Variants in RAB11FIP2 observed in about 807,000 individuals in gnomAD.
The protein encoded by RAB11FIP2 is rab11 family-interacting protein 2.
A neutral mutation model predicts 40.9 loss-of-function variants in RAB11FIP2; 16 were observed. The observed-to-expected ratio is 0.39, with a 90% CI of 0.26 to 0.59. The LOEUF (loss-of-function observed/expected upper bound fraction) is 0.59, where lower values mean the gene tolerates loss of function less well. Among genes scored for constraint, RAB11FIP2 ranks in the 20% least tolerant of loss-of-function variants. The pLI is 0.53. For synonymous variants in RAB11FIP2, 228 were observed against 213.7 expected, an observed-to-expected ratio of 1.07 and a Z score of -0.58; for missense variants, 532 against 606.2, an observed-to-expected ratio of 0.88 and a Z score of 1.28.
chr10:118,039,480 A>G, intron 2 of RAB11FIP2, 40 bp from the exon 3 acceptor site: 1 of 1,496,214 alleles, frequency 6.7e-7, no homozygotes, highest in Non-Finnish European at 9.2e-7. Context: ...TCAGTGACAC[A>G]TTACATCACA....
chr10:118,012,858 C>CTT (rs1846174232), intron 4 of RAB11FIP2, among the ~76,000 whole-genome samples: 1 of 151,940 alleles, frequency 6.6e-6, no homozygotes, highest in South Asian at 2.1e-4. Context: ...AATTTTTCTT[C>CTT]TCTCTTCCCC....
chr10:118,029,666 C>T (rs1388359501), intron 3 of RAB11FIP2, among the ~76,000 whole-genome samples: 1 of 151,748 alleles, frequency 6.6e-6, no homozygotes, highest in Non-Finnish European at 1.5e-5. Context: ...AGAAAAAAAT[C>T]ATCCTGATGG....
At chr10:118,040,657 A>C in intron 1 of RAB11FIP2, 92 bp from the exon 2 acceptor site, 1 of 915,818 alleles carries the variant, frequency 1.1e-6, no homozygotes, top group Non-Finnish European at 1.6e-6. Flanking sequence ...AGGTAAAGTA[A>C]CTATACATCA....
At position 118,009,135 on chromosome 10, in the gene RAB11FIP2, T is replaced by C. The variant is rs757062448; in HGVS notation, c.1402A>G (p.Arg468Gly). Reference protein sequence around the residue: ...QELVKHKELLRRKDTHIRELE... With the variant: ...QELVKHKELLGRKDTHIRELE... ...TCCCGGATGTGGGTGTCTTTCCTCC[T>C]AAGGAGTTCTTTGTGTTTCACCAGC... The change falls in exon 5 of 5, where the codon AGG becomes GGG. Residue 468 changes from arginine to glycine, a missense_variant. Arg to Gly is a moderately radical substitution (Grantham distance 125). Transcript: ENST00000355624. 1 of 1,613,622 alleles carries C rather than the reference T, an allele frequency of 6.2e-7. No homozygotes were observed. The highest frequency in any genetic ancestry group is 8.5e-7 in the Non-Finnish European group (1 of 1,179,598).
intron 1 of RAB11FIP2, 108 bp downstream of exon 1, chr10:118,045,703 T>C: frequency 1.1e-6 from 1 of 890,598 alleles, no homozygotes; most frequent in East Asian, 2.7e-5. Context: ...CTGGATCATA[T>C]TTCAATCCAA....
chr10:118,027,181 C>A (rs1189946262), intron 3 of RAB11FIP2, among the ~76,000 whole-genome samples: 2 of 152,168 alleles, frequency 1.3e-5, no homozygotes, highest in Non-Finnish European at 1.5e-5. Context: ...ATCTGTCCTA[C>A]ACCAAGGTTA....
intron 4 of RAB11FIP2, among the ~76,000 whole-genome samples, chr10:118,011,203 A>C (rs140110661): frequency 5.2e-4 from 79 of 152,248 alleles, no homozygotes; most frequent in African/African-American, 1.8e-3. Flanking sequence ...AATATGTCTA[A>C]AACAACTTAG....
intron 3 of RAB11FIP2, among the ~76,000 whole-genome samples, chr10:118,018,837 A>G (rs574525415): frequency 3.9e-5 from 6 of 152,306 alleles, no homozygotes; most frequent in African/African-American, 1.2e-4. Context: ...TAACTCAATC[A>G]TTAGAGCAAA....
At chr10:118,031,078 T>C (rs1846407863) in intron 3 of RAB11FIP2, among the ~76,000 whole-genome samples, 1 of 152,144 alleles carries the variant, frequency 6.6e-6, no homozygotes, top group Non-Finnish European at 1.5e-5. Context: ...GTCTCATAAA[T>C]GAAGCCACAA....
intron 1 of RAB11FIP2, 77 bp from the exon 2 acceptor site, chr10:118,040,642 CT>C: frequency 9.3e-7 from 1 of 1,075,062 alleles, no homozygotes; most frequent in Non-Finnish European, 1.3e-6. Context: ...TACAAATAGC[CT>C]TTTAGGTAAA....
chr10:118,007,405 G>A lies in RAB11FIP2; in HGVS notation c.*1593C>T, dbSNP rs1289149649. 2 of 150,436 alleles carry A rather than the reference G, an allele frequency of 1.3e-5. No homozygotes were observed. The highest frequency in any genetic ancestry group is 4.9e-5 in the African/African-American group (2 of 40,956). 9.3% of individuals were successfully genotyped at this position (150,436 alleles called of 1,614,324 possible). ...ACAAGGGGTTTTAGTTTACAAATAC[G>A]AGCTTGGCCAAGTATTCTCTGATTC... On this transcript the variant is annotated 3_prime_UTR_variant, in exon 5 of 5. Coordinates refer to ENST00000355624, the MANE Select transcript of RAB11FIP2 (RefSeq NM_014904.3).
intron 3 of RAB11FIP2, among the ~76,000 whole-genome samples, chr10:118,020,839 C>A (rs931109058): frequency 1.3e-5 from 2 of 152,162 alleles, no homozygotes; most frequent in African/African-American, 4.8e-5. Context: ...ATAAACCATT[C>A]ACTTAATAAT....
chr10:118,023,947 G>A (rs897476154), intron 3 of RAB11FIP2, among the ~76,000 whole-genome samples: 9 of 151,896 alleles, frequency 5.9e-5, no homozygotes, highest in African/African-American at 1.5e-4. Context: ...AAACTTAGCC[G>A]GATGTGGTGG....
intron 3 of RAB11FIP2, among the ~76,000 whole-genome samples, chr10:118,022,909 G>T (rs889664400): frequency 7.9e-5 from 12 of 152,176 alleles, no homozygotes; most frequent in Non-Finnish European, 1.6e-4. Flanking sequence ...CCACCAACAA[G>T]ATACCAAGTC....
At chr10:118,042,714 A>G (rs903652946) in intron 1 of RAB11FIP2, among the ~76,000 whole-genome samples, 11 of 152,082 alleles carry the variant, frequency 7.2e-5, no homozygotes, top group African/African-American at 2.4e-4. Context: ...GTGTGTGTGT[A>G]TGTGTTTACA....
In RAB11FIP2 at chr10:118,009,199, T is replaced by C; in HGVS notation, c.1338A>G (p.Ala446=). ...IPDSNPFDAT[A]GYRSLTYEEV... is the part of the protein sequence containing the mutation. ...CTTCATAGGTCAGACTACGATACCC[T>C]GCAGTGGCATCAAAGGGGTTGCTGT... Residue 446 remains alanine, a synonymous_variant, in exon 5 of 5, where the codon GCA becomes GCG. Coordinates refer to ENST00000355624, the MANE Select transcript of RAB11FIP2 (RefSeq NM_014904.3). The C allele has an allele frequency of 6.2e-7, 1 of 1,613,296 alleles. No homozygotes were observed. Among genetic ancestry groups the C allele is most frequent in the South Asian group, 1.1e-5 (1 of 91,054 alleles).
rs1451901881 is a variant in RAB11FIP2 at position 118,008,534 on chromosome 10, T to C, written c.*464A>G. On this transcript the variant is annotated 3_prime_UTR_variant, in exon 5 of 5. Transcript: ENST00000355624. ...ATGAATATATATATATTCATGTACA[T>C]ATGTGTATATAAAATATAAACTGTT... The C allele has an allele frequency of 5.8e-6, 1 of 171,276 alleles. No individual in the cohort carries two copies. The highest frequency in any genetic ancestry group is 1.5e-4 in the East Asian group (1 of 6,752). The allele number at this position is 171,276 out of a possible 1,614,324, so 10.6% of individuals were successfully genotyped here. A position where few individuals can be genotyped will look rare whatever the true frequency, so the allele number is the denominator to read the frequency against.
chr10:118,046,567 G>A lies in RAB11FIP2; in HGVS notation c.-404C>T. Reference sequence around the variant, plus strand: ...GCCTCCCGCCTGCCTCCTTGCGGCCGAGCAGCCTCCGCTGCCTCCGCGCCT... The same window carrying A: ...GCCTCCCGCCTGCCTCCTTGCGGCCAAGCAGCCTCCGCTGCCTCCGCGCCT... On this transcript the variant is annotated 5_prime_UTR_variant, in exon 1 of 5. Coordinates refer to ENST00000355624, the MANE Select transcript of RAB11FIP2 (RefSeq NM_014904.3). The A allele has an allele frequency of 6.1e-6, 1 of 163,652 alleles. No homozygotes were observed. Among genetic ancestry groups the A allele is most frequent in the Non-Finnish European group, 1.3e-5 (1 of 76,252 alleles). 10.1% of individuals were successfully genotyped at this position (163,652 alleles called of 1,614,324 possible).
chr10:118,028,768 T>C (rs934945905), intron 3 of RAB11FIP2, among the ~76,000 whole-genome samples: 7 of 152,082 alleles, frequency 4.6e-5, no homozygotes, highest in Admixed American at 1.3e-4. Flanking sequence ...CAAGCTTTGG[T>C]CAAGCCAAAA....
Sources: gnomAD v4.1 joint callset for allele counts (sites outside exome capture counted in the v4.1 genomes callset) on GRCh38, gnomAD v4.1.1 for gene constraint, MANE v1.5 for transcripts, NCBI Gene and HGNC (gene_info 2026-07-23, HGNC 2026-07-21) for gene names.